Variants in WWP2 observed in about 807,000 individuals in gnomAD.
The protein encoded by WWP2 is WW domain containing E3 ubiquitin protein ligase 2.
In WWP2, 57 loss-of-function variants were observed where a neutral mutation model predicts 121.0. The observed-to-expected ratio is 0.47, with a 90% CI of 0.38 to 0.59. The LOEUF (loss-of-function observed/expected upper bound fraction) is 0.59. WWP2 is among the 20% of genes least tolerant of loss of function. The pLI is 0.00. For missense variants in WWP2, 962 were observed against 1,158.9 expected, an observed-to-expected ratio of 0.83 and a Z score of 2.47; for synonymous variants, 449 against 441.3, an observed-to-expected ratio of 1.02 and a Z score of -0.22.
intron 4 of WWP2, among the ~76,000 whole-genome samples, chr16:69,821,873 G>T (rs570666858): frequency 9.6e-5 from 14 of 145,430 alleles, no homozygotes; most frequent in African/African-American, 2.8e-4. Flanking sequence ...TCTTTGTTTT[G>T]TTTTTTTTTT....
Position 69,842,004 on chromosome 16 carries a change from T to G in WWP2, c.479-20T>G, listed in dbSNP as rs754034157. 1.2e-6 allele frequency: 2 copies of G among 1,606,920 alleles called. No homozygotes were observed. Among genetic ancestry groups the G allele is most frequent in the Non-Finnish European group, 1.7e-6 (2 of 1,175,958 alleles). The stretch of plus-strand genomic sequence containing the variant: ...GCTCCTCAATGCTTCTGTCTTTTCT[T>G]GTGATTGATTCCTTTCTAGGATCAC... On this transcript the variant is annotated intron_variant, in intron 5 of 23. Transcript: ENST00000359154.
At chr16:69,810,324 C>G (rs1038172747) in intron 4 of WWP2, among the ~76,000 whole-genome samples, 1 of 151,932 alleles carries the variant, frequency 6.6e-6, no homozygotes, top group African/African-American at 2.4e-5. Context: ...GCCATGGCTG[C>G]AAAAAGACTT....
At chr16:69,928,582 C>G (rs999628490) in intron 11 of WWP2, among the ~76,000 whole-genome samples, 2 of 152,132 alleles carry the variant, frequency 1.3e-5, no homozygotes, top group Non-Finnish European at 2.9e-5. Context: ...CATGAACATT[C>G]CCCTGTCTCA....
intron 2 of WWP2, among the ~76,000 whole-genome samples, chr16:69,792,513 A>G (rs7194157): frequency 0.044 from 6,757 of 152,250 alleles, 522 homozygotes; most frequent in African/African-American, 0.15. Flanking sequence ...TCTTTATTTT[A>G]GCCTGTCTTT....
chr16:69,915,751 G>A (rs902042032), intron 9 of WWP2, among the ~76,000 whole-genome samples: 1 of 151,990 alleles, frequency 6.6e-6, no homozygotes, highest in Non-Finnish European at 1.5e-5. Flanking sequence ...ATATGACTTC[G>A]GGCCGGGTGC....
chr16:69,804,716 C>T (rs1485655552), intron 4 of WWP2, among the ~76,000 whole-genome samples: 1 of 152,100 alleles, frequency 6.6e-6, no homozygotes, highest in Non-Finnish European at 1.5e-5. Flanking sequence ...TCCTACTCCC[C>T]ATGCCCCCTA....
rs2056504346 is a variant in WWP2, at chr16:69,816,927, GT to G, written c.340+17634del. Among the ~76,000 whole-genome samples, 3 of 152,282 alleles carry G rather than the reference GT, an allele frequency of 2.0e-5. No individual in the cohort carries two copies. The East Asian group carries it at 5.8e-4, about 29-fold the overall frequency. On this transcript the variant is annotated intron_variant, in intron 4 of 23. Coordinates refer to ENST00000359154, the MANE Select transcript of WWP2 (RefSeq NM_001270454.2). ...AGAGATGCTATGTAACTTGTCCAAA[GT>G]TGTCCTATAAGGAGTTCTCAGAGTT...
At chr16:69,784,106 T>G (rs1214534548) in intron 1 of WWP2, among the ~76,000 whole-genome samples, 4 of 140,288 alleles carry the variant, frequency 2.9e-5, no homozygotes, top group African/African-American at 1.1e-4. Context: ...TTTTTTTTTT[T>G]TTTTTTTTTT....
chr16:69,852,123 A>G (rs552624281), intron 6 of WWP2, among the ~76,000 whole-genome samples: 2 of 152,334 alleles, frequency 1.3e-5, no homozygotes, highest in African/African-American at 4.8e-5. Context: ...CGGCTGCACC[A>G]GTTTGCATTG....
At chr16:69,871,445 C>A (rs2057634790) in intron 6 of WWP2, among the ~76,000 whole-genome samples, 1 of 152,204 alleles carries the variant, frequency 6.6e-6, no homozygotes, top group East Asian at 1.9e-4. Flanking sequence ...GGAAATATTT[C>A]ATCTGAGCCT....
intron 4 of WWP2, among the ~76,000 whole-genome samples, chr16:69,816,492 A>G (rs533142176): frequency 6.7e-5 from 10 of 148,620 alleles, no homozygotes; most frequent in African/African-American, 2.2e-4. Context: ...TATGTAATAT[A>G]TAAACATATA....
chr16:69,785,177 G>C (rs1385018720), intron 1 of WWP2, among the ~76,000 whole-genome samples: 2 of 151,376 alleles, frequency 1.3e-5, no homozygotes, highest in Non-Finnish European at 2.9e-5. Context: ...AGGCTGCAGT[G>C]AGCCGAGATT....
intron 2 of WWP2, among the ~76,000 whole-genome samples, chr16:69,796,633 T>G (rs1034122558): frequency 6.6e-6 from 1 of 152,226 alleles, no homozygotes; most frequent in African/African-American, 2.4e-5. Context: ...TCCTAAGTAA[T>G]GCACCATTTG....
At chr16:69,838,554 C>T (rs959752744) in intron 4 of WWP2, among the ~76,000 whole-genome samples, 2 of 152,028 alleles carry the variant, frequency 1.3e-5, no homozygotes, top group East Asian at 1.9e-4. Flanking sequence ...GGATCTCTCC[C>T]GAGGCTGCAT....
chr16:69,911,845 A>G (rs2058383160), intron 9 of WWP2, among the ~76,000 whole-genome samples: 1 of 152,234 alleles, frequency 6.6e-6, no homozygotes. Flanking sequence ...GATGTTAATC[A>G]AAGTTTAGTT....
intron 21 of WWP2, among the ~76,000 whole-genome samples, chr16:69,938,549 G>C (rs916024939): frequency 1.3e-5 from 2 of 151,978 alleles, no homozygotes; most frequent in Non-Finnish European, 2.9e-5. Flanking sequence ...AACCTGGGAG[G>C]TGGAGACTGC....
chr16:69,798,861 C>G lies in WWP2; in HGVS notation c.218+32C>G, dbSNP rs768521922. ...GAAAGCCCCTTCTTTTTGAACGCAG[C>G]AAGATGGGGAAAGAGAGAGGGTGCT... On this transcript the variant is annotated intron_variant, in intron 3 of 23. Coordinates refer to ENST00000359154, the MANE Select transcript of WWP2 (RefSeq NM_001270454.2). The G allele has an allele frequency of 3.7e-6, 6 of 1,609,736 alleles. No individual in the cohort carries two copies. The East Asian group carries it at 1.3e-4, about 36-fold the overall frequency.
intron 4 of WWP2, among the ~76,000 whole-genome samples, chr16:69,819,530 A>G (rs976825153): frequency 1.3e-5 from 2 of 152,110 alleles, no homozygotes; most frequent in Non-Finnish European, 2.9e-5. Flanking sequence ...CCACTGAAAT[A>G]TCACCTCAGT....
At chr16:69,922,522 G>GATCT (rs1225633018) in intron 10 of WWP2, among the ~76,000 whole-genome samples, 3 of 152,112 alleles carry the variant, frequency 2.0e-5, no homozygotes, top group Non-Finnish European at 4.4e-5. Flanking sequence ...GAACATCTAG[G>GATCT]ATCTCCCTTC....
Sources: allele counts gnomAD v4.1 joint callset (sites outside exome capture counted in the v4.1 genomes callset), GRCh38; gene constraint gnomAD v4.1.1; transcripts MANE v1.5; gene names NCBI Gene and HGNC (gene_info 2026-07-23, HGNC 2026-07-21).